Variants in NAV2 observed in about 807,000 individuals in gnomAD.
NAV2 encodes neuron navigator 2, also known as helicase, APC down-regulated 1.
Under a neutral mutation model 223.2 loss-of-function variants are expected in NAV2, and 54 were observed. The observed-to-expected ratio is 0.24, with a 90% CI of 0.19 to 0.30. The LOEUF is 0.30. NAV2 is among the 10% of genes least tolerant of loss of function. NAV2 has a pLI of 1.00. For synonymous variants in NAV2, 1,279 were observed against 1,239.3 expected (o/e 1.03, Z -0.67); for missense variants, 2,806 against 3,147.5 (o/e 0.89, Z 2.60).
intron 5 of NAV2, among the ~76,000 whole-genome samples, chr11:19,891,035 T>C (rs1313105225): frequency 1.3e-5 from 2 of 152,178 alleles, no homozygotes; most frequent in East Asian, 3.8e-4. Flanking sequence ...TTTTTAACTA[T>C]ATAATTTTTA....
Position 20,113,046 on chromosome 11 carries a change from C to T in NAV2, c.6961-1546C>T, listed in dbSNP as rs111991698. Among the ~76,000 whole-genome samples, 749 of 152,310 alleles carry T rather than the reference C, an allele frequency of 4.9e-3. 6 individuals are homozygous for T. Among genetic ancestry groups the T allele is most frequent in the South Asian group, 0.014 (69 of 4,828 alleles). On this transcript the variant is annotated intron_variant, in intron 36 of 37. Coordinates refer to ENST00000349880, the MANE Select transcript of NAV2 (RefSeq NM_145117.5). ...CTTTAGTCTCTGTGCTCTAAGGCCCCCTGCAGAGTCCTCTCTGCAGAACTA... is the reference window on the plus strand; with the variant it reads ...CTTTAGTCTCTGTGCTCTAAGGCCCTCTGCAGAGTCCTCTCTGCAGAACTA...
chr11:19,626,670 T>G (rs924882182), intron 1 of NAV2, among the ~76,000 whole-genome samples: 4 of 152,160 alleles, frequency 2.6e-5, no homozygotes, highest in Admixed American at 1.3e-4. Flanking sequence ...GTATGGGATG[T>G]CTTTCCAGTT....
In NAV2 at chr11:19,935,779, C is replaced by T. The variant is rs373748963; in HGVS notation, c.2033+1502C>T. The stretch of plus-strand genomic sequence containing the variant: ...CAAGTCATCAGCTCAGCTCACAATC[C>T]TGAGAGAGCACCAGGGCTTAGATAA... On this transcript the variant is annotated intron_variant, in intron 7 of 37. Coordinates refer to ENST00000349880, the MANE Select transcript of NAV2 (RefSeq NM_145117.5). 1.2e-4 allele frequency among the ~76,000 whole-genome samples: 18 copies of T among 151,328 alleles called. No homozygotes were observed. In the East Asian group the frequency reaches 2.3e-3, roughly 20 times the overall value.
chr11:20,100,546 GGTGTGTGTGT>G (rs59857072), intron 31 of NAV2, among the ~76,000 whole-genome samples: 20,831 of 141,732 alleles, frequency 0.15, 1,615 homozygotes, highest in Non-Finnish European at 0.18. Flanking sequence ...ATACTAGAGG[GGTGTGTGTGT>G]GTGTGTGTGT....
At chr11:19,587,494 T>G (rs1168922076) in intron 1 of NAV2, among the ~76,000 whole-genome samples, 1 of 152,220 alleles carries the variant, frequency 6.6e-6, no homozygotes, top group African/African-American at 2.4e-5. Flanking sequence ...AGACTGGAGC[T>G]GTTCCTATTC....
intron 1 of NAV2, among the ~76,000 whole-genome samples, chr11:19,528,728 G>A (rs1348021563): frequency 3.3e-5 from 5 of 152,146 alleles, no homozygotes; most frequent in African/African-American, 9.6e-5. Flanking sequence ...TCAAGAGATC[G>A]AAACCATCCT....
At chr11:20,062,388 TG>T in intron 20 of NAV2, 29 bp downstream of exon 20, 1 of 1,569,250 alleles carries the variant, frequency 6.4e-7, no homozygotes, top group South Asian at 1.2e-5. Context: ...TGTGTGGCTG[TG>T]ATCATGAGAA....
intron 1 of NAV2, among the ~76,000 whole-genome samples, chr11:19,601,678 G>A (rs1361713160): frequency 6.6e-6 from 1 of 152,130 alleles, no homozygotes; most frequent in Non-Finnish European, 1.5e-5. Context: ...AGTGAATCTT[G>A]GTGGGGACAC....
intron 16 of NAV2, 25 bp from the exon 17 acceptor site, chr11:20,051,264 T>A (rs2057979155): frequency 6.2e-7 from 1 of 1,611,314 alleles, no homozygotes; most frequent in Non-Finnish European, 8.5e-7. Context: ...CTGAAGTTCT[T>A]ATTTTTGTTT....
chr11:20,090,318 G>A (rs754404120), intron 26 of NAV2, among the ~76,000 whole-genome samples: 6 of 152,070 alleles, frequency 3.9e-5, no homozygotes, highest in Non-Finnish European at 7.4e-5. Flanking sequence ...GTGGGGGAGG[G>A]GGTTATCAAA....
intron 1 of NAV2, among the ~76,000 whole-genome samples, chr11:19,441,448 GCACACACA>G (rs150858991): frequency 8.2e-5 from 12 of 145,948 alleles, no homozygotes; most frequent in Non-Finnish European, 1.7e-4. Context: ...ACACACACAC[GCACACACA>G]CACACACACA....
intron 1 of NAV2, among the ~76,000 whole-genome samples, chr11:19,521,738 AT>A (rs1483396468): frequency 4.6e-5 from 7 of 152,208 alleles, no homozygotes; most frequent in Admixed American, 3.9e-4. Flanking sequence ...TCTGAGATCC[AT>A]TTTCCAGATG....
intron 1 of NAV2, among the ~76,000 whole-genome samples, chr11:19,682,495 G>A (rs1441748772): frequency 2.0e-5 from 3 of 152,198 alleles, no homozygotes; most frequent in Non-Finnish European, 2.9e-5. Flanking sequence ...GGACCTGGGA[G>A]GCTGGTATTG....
intron 2 of NAV2, among the ~76,000 whole-genome samples, chr11:19,832,907 T>A (rs1329697251): frequency 2.6e-5 from 4 of 152,182 alleles, no homozygotes; most frequent in Non-Finnish European, 4.4e-5. Context: ...CCTCCCATTA[T>A]CTTTCTGGCT....
At chr11:20,009,666 G>C (rs2053404094) in intron 11 of NAV2, among the ~76,000 whole-genome samples, 1 of 152,126 alleles carries the variant, frequency 6.6e-6, no homozygotes, top group African/African-American at 2.4e-5. Flanking sequence ...CTTGGATAAA[G>C]TTCAAACTGT....
intron 1 of NAV2, among the ~76,000 whole-genome samples, chr11:19,557,142 A>T (rs1008794402): frequency 6.6e-6 from 1 of 152,272 alleles, no homozygotes; most frequent in Non-Finnish European, 1.5e-5. Context: ...ATGATAAGGC[A>T]GTAAGTGCTC....
chr11:19,859,290 T>C (rs2153003422), intron 3 of NAV2, among the ~76,000 whole-genome samples: 1 of 149,776 alleles, frequency 6.7e-6, no homozygotes, highest in East Asian at 2.0e-4. Context: ...CCCTGCGGCC[T>C]TCCGCAGTGT....
intron 11 of NAV2, among the ~76,000 whole-genome samples, chr11:20,014,616 C>T (rs1384877619): frequency 6.6e-6 from 1 of 152,102 alleles, no homozygotes; most frequent in African/African-American, 2.4e-5. Context: ...GTTAGCCAGG[C>T]ATAGGCCAGG....
intron 1 of NAV2, among the ~76,000 whole-genome samples, chr11:19,449,705 C>T (rs1254738088): frequency 6.6e-6 from 1 of 152,124 alleles, no homozygotes. Flanking sequence ...GCCTCCCTCA[C>T]CAGGTTGTGT....
Sources: gnomAD v4.1 joint callset for allele counts (sites outside exome capture counted in the v4.1 genomes callset) on GRCh38, gnomAD v4.1.1 for gene constraint, MANE v1.5 for transcripts, NCBI Gene and HGNC (gene_info 2026-07-23, HGNC 2026-07-21) for gene names.